The following TNFAIP8L1 variants were observed in gnomAD, a reference collection of about 807,000 sequenced individuals.
The protein encoded by TNFAIP8L1 is tumor necrosis factor alpha-induced protein 8-like protein 1.
For missense variants in TNFAIP8L1, 225 were observed against 266.1 expected (o/e 0.85, Z 1.08); for synonymous variants, 127 against 125.6 (o/e 1.01, Z -0.08).
intron 1 of TNFAIP8L1, 38 bp downstream of exon 1, chr19:4,639,667 C>A (rs1014733220): frequency 6.6e-6 from 1 of 152,294 alleles, no homozygotes; most frequent in Non-Finnish European, 1.5e-5. Flanking sequence ...CATTTCAGCG[C>A]ATCTCGGGGG....
rs778102959 is a variant in TNFAIP8L1, at chr19:4,652,109, C to T, written c.240C>T (p.Gly80=). The change falls in exon 2 of 2, where the codon GGC becomes GGT. Residue 80 remains glycine, a synonymous_variant. Transcript: ENST00000327473. ...LGLLLRGDQL[G]GEELALLRRF... ...TGCTGCTGCGTGGGGACCAGCTGGG[C>T]GGTGAGGAGCTGGCGCTGCTGCGGC... 1.3e-6 allele frequency: 2 copies of T among 1,591,248 alleles called. No homozygotes were observed. Among genetic ancestry groups the T allele is most frequent in the Non-Finnish European group, 8.6e-7 (1 of 1,169,188 alleles).
rs751008781 is a variant in TNFAIP8L1, at chr19:4,652,207, G to A, written c.338G>A (p.Arg113Gln). The A allele has an allele frequency of 3.9e-6, 6 of 1,543,726 alleles. No homozygotes were observed. Among genetic ancestry groups the A allele is most frequent in the Non-Finnish European group, 5.2e-6 (6 of 1,146,902 alleles). Reference sequence around the variant, plus strand: ...CACCAGGTGGACTTCACCTTCGACCGGCGCGTGCTGGCCGCCGGGCTGCTC... The same window carrying A: ...CACCAGGTGGACTTCACCTTCGACCAGCGCGTGCTGGCCGCCGGGCTGCTC... ...SFHQVDFTFD[R>Q]RVLAAGLLEC... Residue 113 changes from arginine to glutamine, a missense_variant, in exon 2 of 2, where the codon CGG becomes CAG. Transcript: ENST00000327473.
chr19:4,652,554 A>G lies in TNFAIP8L1; in HGVS notation c.*124A>G. On this transcript the variant is annotated 3_prime_UTR_variant, in exon 2 of 2. Coordinates refer to ENST00000327473, the MANE Select transcript of TNFAIP8L1 (RefSeq NM_152362.3). The stretch of plus-strand genomic sequence containing the variant: ...TCGGACTCCGGCCAAACTCCCCTAG[A>G]CAGATGGGTGACCTGTCTCCTTTGA... 4 of 947,348 alleles carry G rather than the reference A, an allele frequency of 4.2e-6. No homozygotes were observed. Among genetic ancestry groups the G allele is most frequent in the Non-Finnish European group, 6.1e-6 (4 of 651,740 alleles). The allele number at this position is 947,348 out of a possible 1,614,324, so 58.7% of individuals were successfully genotyped here.
rs1248199874 is a variant in TNFAIP8L1, at chr19:4,652,039, A to G, written c.170A>G (p.Gln57Arg). ...TTCACGCGCAGCCGCAAGGAGGCCC[A>G]GAAGATGCTCAAGAACCTGGTCAAG... ...REFTRSRKEA[Q>R]KMLKNLVKVA... The change falls in exon 2 of 2, where the codon CAG becomes CGG. Residue 57 changes from glutamine (Q) to arginine (R), a missense_variant. By Grantham distance (43) the Gln-to-Arg change is conservative (BLOSUM62 1). Coordinates refer to ENST00000327473, the MANE Select transcript of TNFAIP8L1 (RefSeq NM_152362.3). 14 of 1,613,668 alleles carry G rather than the reference A, an allele frequency of 8.7e-6. No homozygotes were observed. The highest frequency in any genetic ancestry group is 1.2e-5 in the Non-Finnish European group (14 of 1,179,826).
intron 1 of TNFAIP8L1, among the ~76,000 whole-genome samples, chr19:4,650,371 A>C (rs1294745088): frequency 6.6e-6 from 1 of 152,052 alleles, no homozygotes; most frequent in Non-Finnish European, 1.5e-5. Flanking sequence ...ATTGAGGTCC[A>C]CAGGGAAGAG....
At chr19:4,647,374 C>T (rs1289516861) in intron 1 of TNFAIP8L1, among the ~76,000 whole-genome samples, 1 of 150,942 alleles carries the variant, frequency 6.6e-6, no homozygotes, top group African/African-American at 2.4e-5. Context: ...GAGACCTCGG[C>T]TCACTGTCAC....
Position 4,651,890 on chromosome 19 carries a change from G to A in TNFAIP8L1, c.21G>A (p.Lys7=), listed in dbSNP as rs1184112805. 1.2e-6 allele frequency: 2 copies of A among 1,607,550 alleles called. No individual in the cohort carries two copies. Among genetic ancestry groups the A allele is most frequent in the East Asian group, 2.2e-5 (1 of 44,694 alleles). Residue 7 remains lysine (K), a synonymous_variant, in exon 2 of 2, where the codon AAG becomes AAA. Coordinates refer to ENST00000327473, the MANE Select transcript of TNFAIP8L1 (RefSeq NM_152362.3). ...AGGCCATGGACACCTTCAGCACCAA[G>A]AGCCTGGCTCTGCAGGCGCAGAAGA... MDTFST[K]SLALQAQKKL... is the part of the protein sequence containing the mutation.
intron 1 of TNFAIP8L1, among the ~76,000 whole-genome samples, chr19:4,650,808 T>C (rs2088355756): frequency 6.6e-6 from 1 of 152,074 alleles, no homozygotes. Flanking sequence ...CTGAAGGCCT[T>C]GGACATGCCT....
chr19:4,653,312 A>C lies in TNFAIP8L1; in HGVS notation c.*882A>C, dbSNP rs909226469. 2 of 166,738 alleles carry C rather than the reference A, an allele frequency of 1.2e-5. No homozygotes were observed. Among genetic ancestry groups the C allele is most frequent in the Admixed American group, 6.6e-5 (1 of 15,218 alleles). 10.3% of individuals were successfully genotyped at this position (166,738 alleles called of 1,614,324 possible). On this transcript the variant is annotated 3_prime_UTR_variant, in exon 2 of 2. Transcript: ENST00000327473. ...GAGCAAGACTCTGTCTCAAAAAAAG[A>C]AGCGGGGGAGTGGGGGATTGAGGCC...
intron 1 of TNFAIP8L1, 72 bp from the exon 2 acceptor site, chr19:4,651,795 G>T: frequency 6.8e-7 from 1 of 1,473,134 alleles, no homozygotes; most frequent in Non-Finnish European, 9.1e-7. Context: ...TGGGGTCTGT[G>T]GTGTTGTCAC....
At chr19:4,648,736 C>A (rs1179970542) in intron 1 of TNFAIP8L1, among the ~76,000 whole-genome samples, 3 of 152,130 alleles carry the variant, frequency 2.0e-5, no homozygotes, top group African/African-American at 7.2e-5. Flanking sequence ...CACAGCCCTG[C>A]CTGGGGTCAC....
rs143839515 is a variant in TNFAIP8L1 at position 4,653,151 on chromosome 19, A to G, written c.*721A>G. 0.093 allele frequency: 15,400 copies of G among 166,208 alleles called. 857 individuals carry two copies. The highest frequency in any genetic ancestry group is 0.14 in the South Asian group (680 of 4,796). The allele number at this position is 166,208 out of a possible 1,614,324, so 10.3% of individuals were successfully genotyped here. A position where few individuals can be genotyped will look rare whatever the true frequency, so the allele number is the denominator to read the frequency against. On this transcript the variant is annotated 3_prime_UTR_variant, in exon 2 of 2. Coordinates refer to ENST00000327473, the MANE Select transcript of TNFAIP8L1 (RefSeq NM_152362.3). The stretch of plus-strand genomic sequence containing the variant: ...AAACCCCATCTCTACTGAAAATACA[A>G]AAAATTAGCTGGGCATGGTGGCACA...
At chr19:4,646,339 C>G (rs1032704405) in intron 1 of TNFAIP8L1, among the ~76,000 whole-genome samples, 1 of 149,780 alleles carries the variant, frequency 6.7e-6, no homozygotes, top group South Asian at 2.1e-4. Context: ...GTTGGCCAGG[C>G]TAGTCTTGAA....
rs1335358167 is a variant in TNFAIP8L1, at chr19:4,652,646, C to G, written c.*216C>G. The G allele has an allele frequency of 1.9e-6, 1 of 520,914 alleles. No homozygotes were observed. The highest frequency in any genetic ancestry group is 3.4e-6 in the Non-Finnish European group (1 of 297,030). The allele number at this position is 520,914 out of a possible 1,614,324, so 32.3% of individuals were successfully genotyped here. A position where few individuals can be genotyped will look rare whatever the true frequency, so the allele number is the denominator to read the frequency against. ...TGTCACCTCTCCTCCTGGCCCCCGC[C>G]CAATGGGGAGAGGAATTTGGGGCCC... On this transcript the variant is annotated 3_prime_UTR_variant, in exon 2 of 2. Coordinates refer to ENST00000327473, the MANE Select transcript of TNFAIP8L1 (RefSeq NM_152362.3).
intron 1 of TNFAIP8L1, among the ~76,000 whole-genome samples, chr19:4,642,822 A>G (rs2088274339): frequency 6.6e-6 from 1 of 151,898 alleles, no homozygotes; most frequent in Non-Finnish European, 1.5e-5. Context: ...TTTGACCCCA[A>G]GGGAGGTGGG....
At position 4,643,076 on chromosome 19, in the gene TNFAIP8L1, G is replaced by C. The variant is rs191675689; in HGVS notation, c.-4+3447G>C. On this transcript the variant is annotated intron_variant, in intron 1 of 1. Transcript: ENST00000327473. ...AGTGGATCACCTGAGGTCAGGAGTT[G>C]GAGACCAGCCTGACCAACATGGTGA... Among the ~76,000 whole-genome samples, 1,473 of 151,788 alleles carry C rather than the reference G, an allele frequency of 9.7e-3. 27 individuals carry two copies. The highest frequency in any genetic ancestry group is 0.033 in the African/African-American group (1,371 of 41,378).
rs572983467 is a variant in TNFAIP8L1, at chr19:4,643,106, C to A, written c.-4+3477C>A. Among the ~76,000 whole-genome samples, 7 of 151,924 alleles carry A rather than the reference C, an allele frequency of 4.6e-5. No individual in the cohort carries two copies. The East Asian group carries it at 1.4e-3, about 29-fold the overall frequency. ...CCAGCCTGACCAACATGGTGAAACC[C>A]CATCTCTACTAAAAATACAAAAATT... On this transcript the variant is annotated intron_variant, in intron 1 of 1. Coordinates refer to ENST00000327473, the MANE Select transcript of TNFAIP8L1 (RefSeq NM_152362.3).
chr19:4,643,196 C>T (rs1219019722), intron 1 of TNFAIP8L1, among the ~76,000 whole-genome samples: 1 of 151,286 alleles, frequency 6.6e-6, no homozygotes, highest in Non-Finnish European at 1.5e-5. Context: ...GGAGAATCAC[C>T]TGAACCCAGG....
chr19:4,649,911 C>G (rs2088346411), intron 1 of TNFAIP8L1, among the ~76,000 whole-genome samples: 1 of 152,246 alleles, frequency 6.6e-6, no homozygotes, highest in African/African-American at 2.4e-5. Context: ...CACACAAAGA[C>G]CGGCTTTGTG....
Sources: allele counts gnomAD v4.1 joint callset (sites outside exome capture counted in the v4.1 genomes callset), GRCh38; gene constraint gnomAD v4.1.1; transcripts MANE v1.5; gene names NCBI Gene and HGNC (gene_info 2026-07-23, HGNC 2026-07-21).